TTC21B: variants seen among roughly 807,000 people sequenced by gnomAD.
The protein encoded by TTC21B is tetratricopeptide repeat domain 21B.
In TTC21B, 127 loss-of-function variants were observed where a neutral mutation model predicts 175.1. The observed-to-expected ratio is 0.73, with a 90% CI of 0.63 to 0.84. The LOEUF is 0.84. TTC21B is among the 40% of genes least tolerant of loss of function. The pLI is 0.00. For missense variants in TTC21B, 1,561 were observed against 1,558.3 expected (o/e 1.00, Z -0.03); for synonymous variants, 524 against 524.5 (o/e 1.00, Z 0.01).
chr2:165,925,680 A>G (rs1040489370), intron 11 of TTC21B, among the ~76,000 whole-genome samples: 12 of 152,214 alleles, frequency 7.9e-5, no homozygotes, highest in African/African-American at 2.4e-4. Context: ...TTTATCATAT[A>G]TAATCTATAT....
chr2:165,890,427 A>C lies in TTC21B; in HGVS notation c.3263+52T>G, dbSNP rs1685146507. ...GTTCTTTTGTATAGTATCCCTGTTTATTATCTCCAACAAGTGTTTTTTAAA... is the reference window on the plus strand; with the variant it reads ...GTTCTTTTGTATAGTATCCCTGTTTCTTATCTCCAACAAGTGTTTTTTAAA... On this transcript the variant is annotated intron_variant, in intron 24 of 28. Coordinates refer to ENST00000243344, the MANE Select transcript of TTC21B (RefSeq NM_024753.5). 3 of 1,564,310 alleles carry C rather than the reference A, an allele frequency of 1.9e-6. No individual in the cohort carries two copies. The African/African-American group carries it at 4.1e-5, about 21-fold the overall frequency.
rs753874300 is a variant in TTC21B at position 165,919,399 on chromosome 2, G to A, written c.1551C>T (p.His517=). Residue 517 remains histidine (H), a synonymous_variant, in exon 13 of 29, where the codon CAC becomes CAT. Coordinates refer to ENST00000243344, the MANE Select transcript of TTC21B (RefSeq NM_024753.5). ...CATAAGAGGGATTGTGTTCTAAGCA[G>A]TGCTGAAGGTTATTGAAAGCTGCTT... ...DIEAAFNNLQ[H]CLEHNPSYAD... is the part of the protein sequence containing the mutation. 6 of 1,614,090 alleles carry A rather than the reference G, an allele frequency of 3.7e-6. No homozygotes were observed. In the Admixed American group the frequency reaches 8.3e-5, roughly 22 times the overall value.
rs200057550 is a variant in TTC21B at position 165,900,008 on chromosome 2, C to CAA, written c.2758-130_2758-129dup. 0.017 allele frequency: 2,416 copies of CAA among 140,136 alleles called. 25 individuals carry two copies. Among genetic ancestry groups the CAA allele is most frequent in the East Asian group, 0.047 (290 of 6,236 alleles). 8.7% of individuals were successfully genotyped at this position (140,136 alleles called of 1,614,324 possible). A position where few individuals can be genotyped will look rare whatever the true frequency, so the allele number is the denominator to read the frequency against. On this transcript the variant is annotated intron_variant, in intron 20 of 28. Transcript: ENST00000243344. ...GCAATAAAATGCCAAGTATAATAGA[C>CAA]AAAAAAAAAAAAAAAACAACAGTAT...
Position 165,949,661 on chromosome 2 carries a change from C to T in TTC21B, c.85G>A (p.Gly29Arg), listed in dbSNP as rs1275402222. 3 of 1,613,232 alleles carry T rather than the reference C, an allele frequency of 1.9e-6. No homozygotes were observed. The highest frequency in any genetic ancestry group is 2.5e-6 in the Non-Finnish European group (3 of 1,179,728). The change falls in exon 2 of 29, where the codon GGA becomes AGA. Residue 29 changes from glycine (G) to arginine (R), a missense_variant. Transcript: ENST00000243344. The stretch of plus-strand genomic sequence containing the variant: ...GGATCACTTCCATACCTCTTAATTC[C>T]TTCACTGGCAACCAGTAATACATGA... ...FHHVLLVASE[G>R]IKRYGSDPVF... is the part of the protein sequence containing the mutation.
Position 165,890,664 on chromosome 2 carries a change from A to G in TTC21B, c.3102-24T>C, listed in dbSNP as rs1685157753. On this transcript the variant is annotated intron_variant, in intron 23 of 28. Coordinates refer to ENST00000243344, the MANE Select transcript of TTC21B (RefSeq NM_024753.5). ...ACCTTGTTAGATGTTTAAAAGAATT[A>G]TTTATTTCAATCACTGACTACAAAA... 2.5e-6 allele frequency: 4 copies of G among 1,607,864 alleles called. No individual in the cohort carries two copies. The African/African-American group carries it at 5.4e-5, about 22-fold the overall frequency.
intron 8 of TTC21B, among the ~76,000 whole-genome samples, chr2:165,930,683 T>C (rs1378459708): frequency 6.6e-6 from 1 of 151,580 alleles, no homozygotes; most frequent in East Asian, 1.9e-4. Context: ...CATGACTGTT[T>C]TACAGATTAA....
At chr2:165,922,795 G>A (rs936802997) in intron 12 of TTC21B, among the ~76,000 whole-genome samples, 14 of 152,042 alleles carry the variant, frequency 9.2e-5, no homozygotes. Flanking sequence ...TATGTTTCTT[G>A]CAGTACAATT....
At position 165,933,007 on chromosome 2, in the gene TTC21B, A is replaced by G. The variant is rs189797871; in HGVS notation, c.761T>C (p.Leu254Pro). 2.5e-6 allele frequency: 4 copies of G among 1,613,102 alleles called. No homozygotes were observed. In the East Asian group the frequency reaches 6.7e-5, roughly 27 times the overall value. ...ATCCCCCTCTCTACACACATAGTAG[A>G]GTGCCTGCATTCTCAGTGCTTCCAC... Reference protein sequence around the residue: ...QNVEALRMQALYYVCREGDIE... With the variant: ...QNVEALRMQAPYYVCREGDIE... Residue 254 changes from leucine (L) to proline (P), a missense_variant, in exon 7 of 29, where the codon CTC becomes CCC. Coordinates refer to ENST00000243344, the MANE Select transcript of TTC21B (RefSeq NM_024753.5).
intron 12 of TTC21B, among the ~76,000 whole-genome samples, chr2:165,921,987 TC>T (rs1686427434): frequency 1.3e-5 from 2 of 151,914 alleles, no homozygotes; most frequent in Admixed American, 1.3e-4. Context: ...TCCCACCCTT[TC>T]CCCTGAGTCC....
At chr2:165,946,711 C>T (rs946232647) in intron 3 of TTC21B, among the ~76,000 whole-genome samples, 1 of 151,880 alleles carries the variant, frequency 6.6e-6, no homozygotes, top group Admixed American at 6.6e-5. Context: ...GTGGTGGGTG[C>T]CTGTAATCCC....
chr2:165,949,800 T>A, intron 1 of TTC21B, 76 bp from the exon 2 acceptor site: 1 of 1,421,454 alleles, frequency 7.0e-7, no homozygotes, highest in Non-Finnish European at 9.8e-7. Context: ...GATAATAATC[T>A]AACATCTAGA....
chr2:165,893,211 G>C (rs1358854729), intron 22 of TTC21B, among the ~76,000 whole-genome samples: 1 of 151,946 alleles, frequency 6.6e-6, no homozygotes, highest in Non-Finnish European at 1.5e-5. Context: ...AGAAATAAAG[G>C]CATGAAAAAT....
At chr2:165,930,542 G>C (rs1686850225) in intron 8 of TTC21B, among the ~76,000 whole-genome samples, 178 bp from the exon 9 acceptor site, 1 of 151,832 alleles carries the variant, frequency 6.6e-6, no homozygotes, top group Non-Finnish European at 1.5e-5. Context: ...CATCAAGAAA[G>C]AGTTTATATT....
At chr2:165,877,561 G>A (rs934617493) in intron 27 of TTC21B, among the ~76,000 whole-genome samples, 6 of 152,192 alleles carry the variant, frequency 3.9e-5, no homozygotes, top group African/African-American at 1.4e-4. Context: ...TAGCCCAGGT[G>A]TGTAGTAGGA....
At chr2:165,891,574 A>AATTCATTC (rs3032516) in intron 22 of TTC21B, among the ~76,000 whole-genome samples, 134 of 149,422 alleles carry the variant, frequency 9.0e-4, no homozygotes, top group African/African-American at 1.9e-3. Context: ...TTCTAAAAAA[A>AATTCATTC]ATTCATTCAT....
At chr2:165,886,350 C>T (rs950344065) in intron 25 of TTC21B, among the ~76,000 whole-genome samples, 2 of 152,176 alleles carry the variant, frequency 1.3e-5, no homozygotes, top group African/African-American at 4.8e-5. Context: ...TCATCATAGT[C>T]AGTATGCTTG....
chr2:165,921,865 GT>G (rs1363508740), intron 12 of TTC21B, among the ~76,000 whole-genome samples: 2 of 150,922 alleles, frequency 1.3e-5, no homozygotes, highest in East Asian at 3.9e-4. Context: ...GGAACAGGCG[GT>G]GTTTGGTTAC....
intron 19 of TTC21B, among the ~76,000 whole-genome samples, chr2:165,903,332 G>T (rs1208796341): frequency 6.6e-6 from 1 of 152,300 alleles, no homozygotes; most frequent in East Asian, 1.9e-4. Flanking sequence ...GAAGGAAAGA[G>T]AATGAGGGAT....
Position 165,912,538 on chromosome 2 carries a change from A to T in TTC21B, c.2298T>A (p.Leu766=). Residue 766 remains leucine (L), a synonymous_variant, in exon 17 of 29, where the codon CTT becomes CTA. Coordinates refer to ENST00000243344, the MANE Select transcript of TTC21B (RefSeq NM_024753.5). ...GTLASKMGKA[L]IKTHNYSMAI... ...CCATTGAGTAGTTATGAGTTTTGAT[A>T]AGTGCTTTGCCCATTTTGCTTGCCA... is the stretch of plus-strand genomic sequence containing the variant. 7.4e-6 allele frequency: 12 copies of T among 1,614,026 alleles called. No individual in the cohort carries two copies. Among genetic ancestry groups the T allele is most frequent in the Non-Finnish European group, 9.3e-6 (11 of 1,179,894 alleles).
Sources: allele counts gnomAD v4.1 joint callset (sites outside exome capture counted in the v4.1 genomes callset), GRCh38; gene constraint gnomAD v4.1.1; transcripts MANE v1.5; gene names NCBI Gene and HGNC (gene_info 2026-07-23, HGNC 2026-07-21).